TERB1: variants seen among roughly 807,000 people sequenced by gnomAD.
The protein encoded by TERB1 is telomere repeats-binding bouquet formation protein 1.
A neutral mutation model predicts 92.3 loss-of-function variants in TERB1; 63 were observed. The ratio of observed to expected loss-of-function variants is 0.68; its 90% confidence interval spans 0.56 to 0.84. The LOEUF is 0.84. Ranked by LOEUF, TERB1 falls within the 40% of genes least tolerant of loss-of-function variation. TERB1 has a pLI of 0.00. For missense variants in TERB1, 709 were observed against 843.7 expected (o/e 0.84, Z 1.98); for synonymous variants, 252 against 283.9 (o/e 0.89, Z 1.13).
chr16:66,766,273 T>TAAAATGTGGAGAAAA (rs1294364758), intron 16 of TERB1, among the ~76,000 whole-genome samples: 1 of 151,426 alleles, frequency 6.6e-6, no homozygotes, highest in African/African-American at 2.4e-5. Flanking sequence ...CAATTAGTAT[T>TAAAATGTGGAGAAAA]AAAATGTGGA....
intron 11 of TERB1, among the ~76,000 whole-genome samples, chr16:66,776,288 C>A (rs1321502334): frequency 6.7e-6 from 1 of 149,394 alleles, no homozygotes; most frequent in East Asian, 2.0e-4. Flanking sequence ...AAGATTGCAC[C>A]GCTGCACTCC....
intron 15 of TERB1, among the ~76,000 whole-genome samples, chr16:66,767,796 C>T (rs939084164): frequency 4.0e-5 from 6 of 151,788 alleles, no homozygotes; most frequent in African/African-American, 4.8e-5. Context: ...GGCATGATCT[C>T]GGCTCACTGC....
At chr16:66,771,878 C>T (rs1184459981) in intron 13 of TERB1, among the ~76,000 whole-genome samples, 2 of 152,008 alleles carry the variant, frequency 1.3e-5, no homozygotes, top group African/African-American at 4.8e-5. Flanking sequence ...AACACATATG[C>T]ATATACAAAA....
At position 66,770,112 on chromosome 16, in the gene TERB1, T is replaced by C. The variant is rs1048824725; in HGVS notation, c.1470A>G (p.Gln490=). 6.4e-7 allele frequency: 1 copy of C among 1,552,120 alleles called. No homozygotes were observed. The highest frequency in any genetic ancestry group is 8.7e-7 in the Non-Finnish European group (1 of 1,147,108). ...VMSKACTNDD[Q]MKTPLKSANP... is the part of the protein sequence containing the mutation. ...TTGCGCTCTTTAACGGTGTCTTCAT[T>C]TGGTCATCATTTGTACATGCTTTAG... The change falls in exon 14 of 19, where the codon CAA becomes CAG. Residue 490 remains glutamine (Q), a synonymous_variant. Coordinates refer to ENST00000433154, the MANE Select transcript of TERB1 (RefSeq NM_001136505.2).
chr16:66,794,913 AAAAAAAAAAACACACAC>A (rs1303311393), intron 3 of TERB1, among the ~76,000 whole-genome samples: 6 of 72,346 alleles, frequency 8.3e-5, no homozygotes, highest in Admixed American at 1.9e-4. Flanking sequence ...CCGTCTCAAA[AAAAAAAAAAACACACAC>A]ACACACACAC....
Position 66,768,110 on chromosome 16 carries a change from C to T in TERB1, c.1678G>A (p.Val560Ile), listed in dbSNP as rs762212639. 4 of 1,549,112 alleles carry T rather than the reference C, an allele frequency of 2.6e-6. No individual in the cohort carries two copies. The South Asian group carries it at 4.8e-5, about 18-fold the overall frequency. Residue 560 changes from valine (V) to isoleucine (I), a missense_variant, in exon 15 of 19, where the codon GTA becomes ATA. Physicochemically the swap from Val to Ile is conservative, Grantham distance 29. Transcript: ENST00000433154. ...IAKNIKQQLPVTDPFTLCSDI... is the reference protein window; with the variant it reads ...IAKNIKQQLPITDPFTLCSDI... ...GAAACATTTTTAATCATACCTGTTA[C>T]TGGTAACTGCTGCTTTATATTTTTG...
chr16:66,759,215 T>A lies in TERB1; in HGVS notation c.1856A>T (p.Asp619Val). The A allele has an allele frequency of 6.4e-7, 1 of 1,551,202 alleles. No homozygotes were observed. The highest frequency in any genetic ancestry group is 8.7e-7 in the Non-Finnish European group (1 of 1,146,822). ...AGCTTCCACAATGACTTTGTGACGATCACATTGGTATGGGCAAGAGTGCAA... is the reference window on the plus strand; with the variant it reads ...AGCTTCCACAATGACTTTGTGACGAACACATTGGTATGGGCAAGAGTGCAA... ...KLLHSCPYQC[D>V]RHKVIVEAED... Residue 619 changes from aspartate to valine, a missense_variant, in exon 17 of 19, where the codon GAT (aspartate) becomes GTT (valine). Asp to Val is a radical substitution (Grantham distance 152, BLOSUM62 -3). Coordinates refer to ENST00000433154, the MANE Select transcript of TERB1 (RefSeq NM_001136505.2).
chr16:66,791,317 A>G (rs550006391), intron 3 of TERB1, among the ~76,000 whole-genome samples: 123 of 151,520 alleles, frequency 8.1e-4, no homozygotes, highest in African/African-American at 2.6e-3. Flanking sequence ...TGTCATTTAG[A>G]AAAAAAAAGT....
At chr16:66,792,863 T>A (rs189696692) in intron 3 of TERB1, among the ~76,000 whole-genome samples, 206 of 151,510 alleles carry the variant, frequency 1.4e-3, no homozygotes, top group South Asian at 1.2e-3. Context: ...ATAATACAGA[T>A]TTTTTTTTAG....
Position 66,790,704 on chromosome 16 carries a change from A to C in TERB1, c.162T>G (p.Phe54Leu), listed in dbSNP as rs1477995374. 1 of 1,551,154 alleles carries C rather than the reference A, an allele frequency of 6.4e-7. No homozygotes were observed. Among genetic ancestry groups the C allele is most frequent in the South Asian group, 1.2e-5 (1 of 84,012 alleles). ...CAAACATCAAACCACCAATTTCCCG[A>C]AAATAAACACTTGCATTACCTGTAG... is the stretch of plus-strand genomic sequence containing the variant. ...CQQNSNASVY[F>L]REIGGLMFVK... The change falls in exon 5 of 19, where the codon TTT (phenylalanine) becomes TTG (leucine). Residue 54 changes from phenylalanine to leucine, a missense_variant. Transcript: ENST00000433154.
intron 9 of TERB1, among the ~76,000 whole-genome samples, chr16:66,780,209 G>A (rs754922640): frequency 6.6e-6 from 1 of 152,080 alleles, no homozygotes; most frequent in Non-Finnish European, 1.5e-5. Flanking sequence ...TCAATATTAT[G>A]GTGGCTCCAA....
intron 13 of TERB1, among the ~76,000 whole-genome samples, chr16:66,771,638 TAC>T (rs57620654): frequency 0.021 from 3,065 of 142,874 alleles, 35 homozygotes; most frequent in South Asian, 0.028. Context: ...TGTTACAGAA[TAC>T]ACACACACAC....
At chr16:66,768,198 A>C in intron 14 of TERB1, 30 bp from the exon 15 acceptor site, 1 of 1,459,204 alleles carries the variant, frequency 6.9e-7, no homozygotes, top group East Asian at 2.5e-5. Flanking sequence ...AGATTACTAA[A>C]AGTAAACATA....
At chr16:66,755,876 C>T (rs534533306) in intron 18 of TERB1, among the ~76,000 whole-genome samples, 18 of 152,272 alleles carry the variant, frequency 1.2e-4, no homozygotes, top group African/African-American at 2.9e-4. Context: ...AGAATATCAA[C>T]ACTTGTTAAA....
chr16:66,800,670 G>T (rs559318859), intron 2 of TERB1, among the ~76,000 whole-genome samples: 1 of 152,084 alleles, frequency 6.6e-6, no homozygotes, highest in Non-Finnish European at 1.5e-5. Flanking sequence ...TTTGTCAGCG[G>T]ATATCCAGCT....
intron 16 of TERB1, among the ~76,000 whole-genome samples, chr16:66,762,410 G>A (rs1278299231): frequency 1.3e-5 from 2 of 152,014 alleles, no homozygotes; most frequent in Non-Finnish European, 2.9e-5. Context: ...TCCTGTGACA[G>A]GGTCTCCCTG....
chr16:66,762,039 G>A (rs770159281), intron 16 of TERB1, among the ~76,000 whole-genome samples: 2 of 152,232 alleles, frequency 1.3e-5, no homozygotes, highest in Non-Finnish European at 2.9e-5. Flanking sequence ...GCGACAGAGT[G>A]AGACTCTATC....
chr16:66,797,411 A>AT (rs1250349056), intron 2 of TERB1, among the ~76,000 whole-genome samples: 1 of 151,398 alleles, frequency 6.6e-6, no homozygotes, highest in Non-Finnish European at 1.5e-5. Flanking sequence ...AATTTTTTGT[A>AT]TTTTTTGTAG....
chr16:66,789,583 C>CAAAAAAAA lies in TERB1; in HGVS notation c.271+1004_271+1011dup. On this transcript the variant is annotated intron_variant, in intron 5 of 18. Coordinates refer to ENST00000433154, the MANE Select transcript of TERB1 (RefSeq NM_001136505.2). ...TGGGCGACAGAGCGAGACTCCGTCT[C>CAAAAAAAA]AAAAAAAAAAAAAAAAAAAAAAAAA... is the stretch of plus-strand genomic sequence containing the variant. Among the ~76,000 whole-genome samples the CAAAAAAAA allele has an allele frequency of 7.6e-3, 43 of 5,664 alleles. 16 individuals are homozygous for CAAAAAAAA. Among genetic ancestry groups the CAAAAAAAA allele is most frequent in the Non-Finnish European group, 8.5e-3 (38 of 4,452 alleles). 3.7% of individuals were successfully genotyped at this position (5,664 alleles called of 152,430 possible). A position where few individuals can be genotyped will look rare whatever the true frequency, so the allele number is the denominator to read the frequency against.
Sources: gnomAD v4.1 joint callset for allele counts (sites outside exome capture counted in the v4.1 genomes callset) on GRCh38, gnomAD v4.1.1 for gene constraint, MANE v1.5 for transcripts, NCBI Gene and HGNC (gene_info 2026-07-23, HGNC 2026-07-21) for gene names.